Variants in CIMAP1A observed in about 807,000 individuals in gnomAD.
CIMAP1A encodes ciliary microtubule associated protein 1A.
the CIMAP1A span, chr11:197,549 T>A: frequency 2.5e-6 from 4 of 1,612,504 alleles, no homozygotes; most frequent in Non-Finnish European, 3.4e-6. Flanking sequence ...TCAGGGCCCA[T>A]TGCGTCCACA....
the CIMAP1A span, chr11:198,919 G>A: frequency 1.7e-6 from 2 of 1,209,832 alleles, no homozygotes; most frequent in South Asian, 2.3e-5. Flanking sequence ...TGAGCTATTT[G>A]GGGGAGGAGG....
At chr11:198,086 T>C in the CIMAP1A span, 1 of 1,548,930 alleles carries the variant, frequency 6.5e-7, no homozygotes, top group Non-Finnish European at 8.7e-7. Context: ...TCACCACCTG[T>C]GTTGGAGCCC....
chr11:197,640 C>A, the CIMAP1A span: 7 of 1,613,490 alleles, frequency 4.3e-6, no homozygotes, highest in Admixed American at 5.0e-5. Flanking sequence ...TGGCAGAGAA[C>A]TGCTCCCCAG....
the CIMAP1A span, chr11:199,646 A>T: frequency 2.3e-6 from 2 of 852,316 alleles, no homozygotes; most frequent in South Asian, 1.8e-5. Flanking sequence ...GACACAGCCA[A>T]GAAGGGGTGG....
chr11:198,574 G>A, the CIMAP1A span: 846 of 1,609,480 alleles, frequency 5.3e-4, 2 homozygotes, highest in African/African-American at 9.2e-3. Flanking sequence ...CTTCAGCGAC[G>A]ACCTACACAA....
At chr11:198,783 C>A in the CIMAP1A span, 3 of 1,428,950 alleles carry the variant, frequency 2.1e-6, no homozygotes, top group Non-Finnish European at 2.7e-6. Flanking sequence ...AGAAGGGAGA[C>A]GCCCTGGCCC....
At chr11:199,777 C>T in the CIMAP1A span, 7 of 1,443,062 alleles carry the variant, frequency 4.9e-6, no homozygotes, top group Admixed American at 1.7e-4. Flanking sequence ...TCCCTAGACA[C>T]TGTGACAGCT....
chr11:199,843 GC>G, the CIMAP1A span: 2 of 1,510,010 alleles, frequency 1.3e-6, no homozygotes, highest in Non-Finnish European at 1.8e-6. Context: ...GGCCACCTTG[GC>G]CCCAGGTTCA....
chr11:198,495 G>A, the CIMAP1A span: 1 of 1,613,196 alleles, frequency 6.2e-7, no homozygotes, highest in African/African-American at 1.3e-5. Context: ...CCATGGTAAT[G>A]GGGCCCAATA....
chr11:197,654 C>A, the CIMAP1A span: 1 of 1,613,640 alleles, frequency 6.2e-7, no homozygotes, highest in Non-Finnish European at 8.5e-7. Context: ...TCCCCAGGGC[C>A]CCGTTACAAT....
At chr11:197,414 G>T in the CIMAP1A span, 2 of 1,601,044 alleles carry the variant, frequency 1.2e-6, no homozygotes, top group Non-Finnish European at 1.7e-6. Context: ...CCAACAACAG[G>T]TAAGAGCCTG....
At chr11:199,878 G>C in the CIMAP1A span, 1 of 1,587,986 alleles carries the variant, frequency 6.3e-7, no homozygotes, top group Middle Eastern at 1.7e-4. Context: ...CCCAGCCCCA[G>C]CCAGGGCAGA....
chr11:199,490 G>A, the CIMAP1A span: 247 of 1,558,266 alleles, frequency 1.6e-4, 2 homozygotes, highest in South Asian at 2.7e-3. Context: ...CCAGGACCAG[G>A]CGCCCACAGC....
At chr11:197,997 T>A in the CIMAP1A span, 1 of 1,536,188 alleles carries the variant, frequency 6.5e-7, no homozygotes, top group Non-Finnish European at 8.7e-7. Flanking sequence ...GACCCCACTC[T>A]CCCTGCTCAA....
chr11:200,130 C>G, the CIMAP1A span: 5 of 1,314,634 alleles, frequency 3.8e-6, no homozygotes, highest in Non-Finnish European at 5.4e-6. Context: ...CTGGGCCAGC[C>G]TGGCCCTGCA....
chr11:198,334 G>A, the CIMAP1A span: 1 of 1,613,596 alleles, frequency 6.2e-7, no homozygotes, highest in Non-Finnish European at 8.5e-7. Flanking sequence ...TCAGCCAAAT[G>A]GACCTGGGGA....
chr11:199,102 C>T, the CIMAP1A span: 108 of 1,333,268 alleles, frequency 8.1e-5, no homozygotes, highest in Admixed American at 4.2e-4. Context: ...CTCTCACACA[C>T]GCTCAGCGAT....
chr11:199,096 C>G, the CIMAP1A span: 2 of 1,324,580 alleles, frequency 1.5e-6, no homozygotes, highest in Non-Finnish European at 1.9e-6. Context: ...CAGCCTCTCT[C>G]ACACACGCTC....
At chr11:197,241 G>C in the CIMAP1A span, 1 of 1,197,604 alleles carries the variant, frequency 8.4e-7, no homozygotes, top group Non-Finnish European at 1.2e-6. Context: ...ATCAGGGGCC[G>C]GCATGGGACA....
Sources: allele counts gnomAD v4.1 joint callset, GRCh38; gene constraint gnomAD v4.1.1; transcripts MANE v1.5; gene names NCBI Gene and HGNC (gene_info 2026-07-23, HGNC 2026-07-21).